MAGI2: variants seen among roughly 807,000 people sequenced by gnomAD.
MAGI2 encodes the protein membrane-associated guanylate kinase, WW and PDZ domain-containing protein 2.
MAGI2 carries 35 observed loss-of-function variants against 133.3 expected under a neutral mutation model. That is an observed-to-expected ratio of 0.26 (90% confidence interval 0.20 to 0.35). MAGI2 has a LOEUF of 0.35. MAGI2 is among the 10% of genes least tolerant of loss of function. The pLI, the probability that MAGI2 is intolerant of heterozygous loss-of-function variation, is 1.00. For synonymous variants in MAGI2, 729 were observed against 710.6 expected (o/e 1.03, Z -0.41); for missense variants, 1,636 against 1,863.4 (o/e 0.88, Z 2.25).
At chr7:78,385,491 T>C (rs527345275) in intron 6 of MAGI2, among the ~76,000 whole-genome samples, 3 of 152,298 alleles carry the variant, frequency 2.0e-5, no homozygotes, top group Non-Finnish European at 4.4e-5. Context: ...ACTGTAACAA[T>C]GAAATTTCTG....
In MAGI2 at chr7:79,068,425, G is replaced by A. The variant is rs547262631; in HGVS notation, c.302-61219C>T. Among the ~76,000 whole-genome samples, 15 of 152,210 alleles carry A rather than the reference G, an allele frequency of 9.9e-5. No individual in the cohort carries two copies. In the South Asian group the frequency reaches 2.7e-3, roughly 27 times the overall value. On this transcript the variant is annotated intron_variant, in intron 1 of 21. Transcript: ENST00000354212. ...TTGATGGTAGTTTGTATTTTTGTGG[G>A]ATCAGTGGTGATATCCCCTTTACCA...
At chr7:79,373,978 G>T (rs1843216783) in intron 1 of MAGI2, among the ~76,000 whole-genome samples, 1 of 151,930 alleles carries the variant, frequency 6.6e-6, no homozygotes, top group Non-Finnish European at 1.5e-5. Context: ...TTATGCACCA[G>T]TGTAAAAGAA....
intron 6 of MAGI2, among the ~76,000 whole-genome samples, chr7:78,389,180 CAAATTAGTTCTAA>C (rs1166257750): frequency 6.6e-6 from 1 of 152,078 alleles, no homozygotes; most frequent in Non-Finnish European, 1.5e-5. Context: ...AATAGAGACA[CAAATTAGTTCTAA>C]AACTGCTGTG....
intron 2 of MAGI2, among the ~76,000 whole-genome samples, chr7:78,834,331 C>T (rs912449065): frequency 2.6e-5 from 4 of 152,236 alleles, no homozygotes; most frequent in East Asian, 1.9e-4. Flanking sequence ...AAAGAAACCC[C>T]ACATTTCTTA....
intron 2 of MAGI2, among the ~76,000 whole-genome samples, chr7:78,667,192 T>A (rs1006262428): frequency 2.0e-5 from 3 of 151,980 alleles, no homozygotes; most frequent in African/African-American, 7.2e-5. Context: ...ATAGAACATC[T>A]TCTTCACAAC....
rs188270642 is a variant in MAGI2 at position 78,093,854 on chromosome 7, C to A, written c.3568-14769G>T. Among the ~76,000 whole-genome samples the A allele has an allele frequency of 1.6e-4, 24 of 152,104 alleles. No individual in the cohort carries two copies. The East Asian group carries it at 2.7e-3, about 17-fold the overall frequency. On this transcript the variant is annotated intron_variant, in intron 20 of 21. Transcript: ENST00000354212. ...GAACCACCCAAATGAAAAAATGGAC[C>A]CTTCATAATAATTAGCACTTATTCA...
chr7:78,610,084 T>G (rs1226385388), intron 3 of MAGI2, among the ~76,000 whole-genome samples: 1 of 152,230 alleles, frequency 6.6e-6, no homozygotes, highest in Non-Finnish European at 1.5e-5. Flanking sequence ...ACTCTACCCC[T>G]TGATTCCTGG....
At chr7:79,047,346 G>C (rs10244831) in intron 1 of MAGI2, among the ~76,000 whole-genome samples, 43,804 of 151,748 alleles carry the variant, frequency 0.29, 6,476 homozygotes, top group African/African-American at 0.34. Flanking sequence ...AAAAATCAAA[G>C]AAGATATATA....
In MAGI2 at chr7:78,245,558, C is replaced by T. The variant is rs944269859; in HGVS notation, c.2047+10385G>A. On this transcript the variant is annotated intron_variant, in intron 10 of 21. Coordinates refer to ENST00000354212, the MANE Select transcript of MAGI2 (RefSeq NM_012301.4). ...TGCACATCAAAGGAGTGGCAGAAAC[C>T]CTGTAGAGCACAGAAATCTAGGATG... is the stretch of plus-strand genomic sequence containing the variant. 2.0e-5 allele frequency among the ~76,000 whole-genome samples: 3 copies of T among 152,090 alleles called. No homozygotes were observed. In the East Asian group the frequency reaches 5.8e-4, roughly 29 times the overall value.
chr7:78,882,507 A>G lies in MAGI2; in HGVS notation c.418+124583T>C, dbSNP rs200048533. Reference sequence around the variant, plus strand: ...TCAAAAAGGGACTTCCCCCTAACTCATTCTATGAAGCCAGTGTCACCCTGA... The same window carrying G: ...TCAAAAAGGGACTTCCCCCTAACTCGTTCTATGAAGCCAGTGTCACCCTGA... On this transcript the variant is annotated intron_variant, in intron 2 of 21. Transcript: ENST00000354212. Among the ~76,000 whole-genome samples, 28 of 152,242 alleles carry G rather than the reference A, an allele frequency of 1.8e-4. No homozygotes were observed. The East Asian group carries it at 4.4e-3, about 24-fold the overall frequency.
chr7:78,570,115 T>G (rs1235929724), intron 3 of MAGI2, among the ~76,000 whole-genome samples: 1 of 152,214 alleles, frequency 6.6e-6, no homozygotes, highest in African/African-American at 2.4e-5. Context: ...ACACGTCCTT[T>G]GGTGAACAGA....
intron 3 of MAGI2, chr7:78,614,580 G>A (rs1806863870): frequency 6.6e-6 from 1 of 152,006 alleles, no homozygotes; most frequent in Non-Finnish European, 1.5e-5. Flanking sequence ...CTTTTTAAAT[G>A]TATATTTATA....
chr7:78,435,080 G>A (rs1353034071), intron 6 of MAGI2, among the ~76,000 whole-genome samples: 1 of 152,124 alleles, frequency 6.6e-6, no homozygotes, highest in African/African-American at 2.4e-5. Flanking sequence ...TGCCACCTGT[G>A]TCATCTTGGA....
At chr7:78,621,072 T>C (rs1807679999) in intron 3 of MAGI2, among the ~76,000 whole-genome samples, 1 of 152,012 alleles carries the variant, frequency 6.6e-6, no homozygotes, top group Non-Finnish European at 1.5e-5. Flanking sequence ...CAGGCAGGAT[T>C]CGCTGACTTA....
Position 78,982,939 on chromosome 7 carries a change from T to C in MAGI2, c.418+24151A>G, listed in dbSNP as rs138523012. Reference sequence around the variant, plus strand: ...AGGACAGGGTTTCCCTGTCCAAAAATATGTGGCTAATGAGCACTTGAAGTG... The same window carrying C: ...AGGACAGGGTTTCCCTGTCCAAAAACATGTGGCTAATGAGCACTTGAAGTG... On this transcript the variant is annotated intron_variant, in intron 2 of 21. Transcript: ENST00000354212. 9.2e-3 allele frequency among the ~76,000 whole-genome samples: 1,398 copies of C among 152,008 alleles called. 19 individuals are homozygous for C. The highest frequency in any genetic ancestry group is 0.033 in the African/African-American group (1,350 of 41,508).
chr7:79,073,487 A>G (rs1815184922), intron 1 of MAGI2, among the ~76,000 whole-genome samples: 1 of 152,112 alleles, frequency 6.6e-6, no homozygotes, highest in African/African-American at 2.4e-5. Flanking sequence ...TCCCTTGAAG[A>G]CTAAGTCTCT....
In MAGI2 at chr7:79,453,343, G is replaced by A. The variant is rs779916143; in HGVS notation, c.-23C>T. On this transcript the variant is annotated 5_prime_UTR_variant, in exon 1 of 22. Transcript: ENST00000354212. ...CATGGCAGTGGGGCGAGTCGCCTCA[G>A]TTCCTGGGCTCCTTGGGGTTAGGGG... is the stretch of plus-strand genomic sequence containing the variant. 11 of 1,583,582 alleles carry A rather than the reference G, an allele frequency of 6.9e-6. No individual in the cohort carries two copies. In the African/African-American group the frequency reaches 1.5e-4, roughly 22 times the overall value.
chr7:78,329,704 A>G (rs1432196711), intron 9 of MAGI2, among the ~76,000 whole-genome samples: 1 of 152,222 alleles, frequency 6.6e-6, no homozygotes, highest in Non-Finnish European at 1.5e-5. Context: ...GGGTTACCAT[A>G]ACAAAAATGG....
intron 1 of MAGI2, among the ~76,000 whole-genome samples, chr7:79,274,801 A>G (rs1018078204): frequency 6.6e-6 from 1 of 152,252 alleles, no homozygotes; most frequent in African/African-American, 2.4e-5. Context: ...TCCACGTCAC[A>G]TTTTAGTAAT....
Sources: allele counts gnomAD v4.1 joint callset (sites outside exome capture counted in the v4.1 genomes callset), GRCh38; gene constraint gnomAD v4.1.1; transcripts MANE v1.5; gene names NCBI Gene and HGNC (gene_info 2026-07-23, HGNC 2026-07-21).